The following LRFN5 variants were observed in gnomAD, a reference collection of about 807,000 sequenced individuals.
LRFN5 encodes the protein leucine-rich repeat and fibronectin type-III domain-containing protein 5.
Under a neutral mutation model 45.6 loss-of-function variants are expected in LRFN5, and 24 were observed. The ratio of observed to expected loss-of-function variants is 0.53; its 90% CI spans 0.38 to 0.74. The LOEUF (loss-of-function observed/expected upper bound fraction) is 0.74, where lower values mean the gene tolerates loss of function less well. Among genes scored for constraint, LRFN5 ranks in the 30% least tolerant of loss-of-function variants. The pLI is 0.00. For missense variants in LRFN5, 776 were observed against 861.5 expected (o/e 0.90, Z 1.24); for synonymous variants, 340 against 313.8 (o/e 1.08, Z -0.88).
At chr14:41,687,151 TA>T (rs201573608) in intron 1 of LRFN5, among the ~76,000 whole-genome samples, 1,665 of 151,900 alleles carry the variant, frequency 0.011, 12 homozygotes, top group Middle Eastern at 0.024. Flanking sequence ...ATATTTACAA[TA>T]AAAAAACATC....
intron 2 of LRFN5, among the ~76,000 whole-genome samples, chr14:41,841,189 T>A (rs1888847203): frequency 6.6e-6 from 1 of 151,938 alleles, no homozygotes; most frequent in Non-Finnish European, 1.5e-5. Flanking sequence ...GATTCTAGTA[T>A]CACATTTTAA....
chr14:41,779,756 A>T (rs1886416987), intron 2 of LRFN5, among the ~76,000 whole-genome samples: 1 of 151,892 alleles, frequency 6.6e-6, no homozygotes, highest in Non-Finnish European at 1.5e-5. Flanking sequence ...TGGTCGCCAT[A>T]GAGTTATTCA....
intron 2 of LRFN5, among the ~76,000 whole-genome samples, chr14:41,862,533 T>C (rs1245697353): frequency 3.9e-5 from 6 of 152,234 alleles, no homozygotes; most frequent in African/African-American, 7.2e-5. Context: ...ACATATCTTT[T>C]AGTGCCTATG....
At chr14:41,719,303 T>C (rs571103580) in intron 1 of LRFN5, among the ~76,000 whole-genome samples, 3 of 152,252 alleles carry the variant, frequency 2.0e-5, no homozygotes, top group South Asian at 2.1e-4. Context: ...GAGTAGTAGA[T>C]TTTAAGTAAG....
chr14:41,856,611 G>C (rs1412311045), intron 2 of LRFN5, among the ~76,000 whole-genome samples: 2 of 147,346 alleles, frequency 1.4e-5, no homozygotes, highest in Non-Finnish European at 3.0e-5. Context: ...TAAGGAATCT[G>C]AACTTGCCGA....
At chr14:41,675,117 G>C (rs1881552932) in intron 1 of LRFN5, among the ~76,000 whole-genome samples, 2 of 151,830 alleles carry the variant, frequency 1.3e-5, no homozygotes, top group African/African-American at 2.4e-5. Context: ...TCACTTTCCA[G>C]ACTGGGCAGC....
chr14:41,798,209 T>G (rs1887202276), intron 2 of LRFN5, among the ~76,000 whole-genome samples: 1 of 151,950 alleles, frequency 6.6e-6, no homozygotes, highest in Admixed American at 6.6e-5. Context: ...TGTAGCCATC[T>G]TCAGATACTT....
intron 2 of LRFN5, among the ~76,000 whole-genome samples, chr14:41,787,144 G>A (rs1208926290): frequency 6.6e-6 from 1 of 151,796 alleles, no homozygotes; most frequent in Non-Finnish European, 1.5e-5. Flanking sequence ...TTCTGACTTG[G>A]GATAATATTT....
intron 1 of LRFN5, among the ~76,000 whole-genome samples, chr14:41,714,866 C>G (rs551545609): frequency 6.6e-6 from 1 of 152,110 alleles, no homozygotes; most frequent in Admixed American, 6.5e-5. Flanking sequence ...AATGATGCCA[C>G]TGCACTCCAA....
intron 1 of LRFN5, among the ~76,000 whole-genome samples, chr14:41,626,587 G>A (rs972053249): frequency 2.0e-5 from 3 of 151,862 alleles, no homozygotes; most frequent in African/African-American, 4.8e-5. Context: ...GTCATTTGGG[G>A]GCTCTATTTA....
chr14:41,861,971 C>T (rs1016331315), intron 2 of LRFN5, among the ~76,000 whole-genome samples: 5 of 152,014 alleles, frequency 3.3e-5, no homozygotes, highest in South Asian at 2.1e-4. Flanking sequence ...TCAGATCATG[C>T]GGGCGGTTTG....
chr14:41,686,478 C>T (rs568899890), intron 1 of LRFN5, among the ~76,000 whole-genome samples: 13 of 151,866 alleles, frequency 8.6e-5, no homozygotes, highest in Non-Finnish European at 1.8e-4. Flanking sequence ...TTCCTGATTG[C>T]CCTGGCCAGA....
At chr14:41,664,357 C>G (rs17092256) in intron 1 of LRFN5, among the ~76,000 whole-genome samples, 4,634 of 151,558 alleles carry the variant, frequency 0.031, 286 homozygotes, top group East Asian at 0.27. Flanking sequence ...GTTGTCTGTG[C>G]CATCATTTTG....
At chr14:41,688,751 A>G (rs1263840287) in intron 1 of LRFN5, among the ~76,000 whole-genome samples, 1 of 152,098 alleles carries the variant, frequency 6.6e-6, no homozygotes, top group Non-Finnish European at 1.5e-5. Context: ...CACAATGCTC[A>G]GAGGTCAATG....
chr14:41,641,009 C>G (rs2138597750), intron 1 of LRFN5, among the ~76,000 whole-genome samples: 1 of 151,980 alleles, frequency 6.6e-6, no homozygotes, highest in African/African-American at 2.4e-5. Context: ...AAAGAAATGC[C>G]ACAAAAATCT....
intron 1 of LRFN5, among the ~76,000 whole-genome samples, chr14:41,707,809 T>C (rs987631747): frequency 2.0e-4 from 30 of 152,048 alleles, no homozygotes; most frequent in Non-Finnish European, 1.5e-5. Flanking sequence ...TTGGACTACA[T>C]TGGTAGAGCT....
chr14:41,788,541 A>T (rs1597054), intron 2 of LRFN5, among the ~76,000 whole-genome samples: 82,661 of 151,722 alleles, frequency 0.54, 23,192 homozygotes, highest in East Asian at 0.91. Context: ...ATATAAATTT[A>T]AAAAATTATG....
chr14:41,805,582 G>A (rs1000430641), intron 2 of LRFN5, among the ~76,000 whole-genome samples: 1 of 143,530 alleles, frequency 7.0e-6, no homozygotes, highest in South Asian at 2.2e-4. Flanking sequence ...AGTACCCAGA[G>A]TGTGATGTTC....
rs989140203 is a variant in LRFN5, at chr14:41,903,688, A to G, written c.2143-470A>G. Among the ~76,000 whole-genome samples the G allele has an allele frequency of 4.0e-5, 6 of 151,826 alleles. No homozygotes were observed. The East Asian group carries it at 5.8e-4, about 15-fold the overall frequency. On this transcript the variant is annotated intron_variant, in intron 5 of 5. Transcript: ENST00000298119. The stretch of plus-strand genomic sequence containing the variant: ...GTGAAAAACTGATTAGTTAAGGTGA[A>G]TAATTTACTACCATTAAATGTATTA...
Sources: gnomAD v4.1 joint callset for allele counts (sites outside exome capture counted in the v4.1 genomes callset) on GRCh38, gnomAD v4.1.1 for gene constraint, MANE v1.5 for transcripts, NCBI Gene and HGNC (gene_info 2026-07-23, HGNC 2026-07-21) for gene names.